The following DOCK9 variants were observed in gnomAD, a reference collection of about 807,000 sequenced individuals.
DOCK9 encodes dedicator of cytokinesis 9, also known as dedicator of cytokinesis protein 9.
Under a neutral mutation model 263.3 loss-of-function variants are expected in DOCK9, and 89 were observed. That is an observed-to-expected ratio of 0.34 (90% confidence interval 0.28 to 0.40). The LOEUF (loss-of-function observed/expected upper bound fraction) is 0.40. Ranked by LOEUF, DOCK9 falls within the 10% of genes least tolerant of loss-of-function variation. The pLI, the probability that DOCK9 is intolerant of heterozygous loss-of-function variation, is 1.00. For missense variants in DOCK9, 2,140 were observed against 2,603.4 expected, an observed-to-expected ratio of 0.82 and a Z score of 3.87; for synonymous variants, 976 against 973.1, an observed-to-expected ratio of 1.00 and a Z score of -0.06.
chr13:98,986,496 T>C (rs1878481177), intron 1 of DOCK9, among the ~76,000 whole-genome samples: 1 of 152,258 alleles, frequency 6.6e-6, no homozygotes, highest in Non-Finnish European at 1.5e-5. Flanking sequence ...TCTGGCTGAA[T>C]TTAGTTTGCA....
intron 39 of DOCK9, 69 bp downstream of exon 39, chr13:98,837,425 A>G: frequency 1.8e-6 from 2 of 1,098,984 alleles, no homozygotes; most frequent in Non-Finnish European, 2.7e-6. Context: ...GTTTGTGCTC[A>G]CTGAGCTTAC....
At chr13:99,055,311 A>G (rs2040867060) in intron 1 of DOCK9, among the ~76,000 whole-genome samples, 1 of 152,214 alleles carries the variant, frequency 6.6e-6, no homozygotes, top group African/African-American at 2.4e-5. Context: ...GGAACTTTCT[A>G]CAAACTTTCA....
At chr13:99,073,608 T>C (rs555959926) in intron 1 of DOCK9, among the ~76,000 whole-genome samples, 2 of 152,204 alleles carry the variant, frequency 1.3e-5, no homozygotes, top group South Asian at 4.1e-4. Flanking sequence ...GGCTAGGGGG[T>C]TGGCAGCTTT....
In DOCK9 at chr13:98,977,931, A is replaced by G; in HGVS notation, c.-22T>C. The G allele has an allele frequency of 6.4e-7, 1 of 1,564,308 alleles. No homozygotes were observed. Among genetic ancestry groups the G allele is most frequent in the Non-Finnish European group, 8.7e-7 (1 of 1,153,328 alleles). Reference sequence around the variant, plus strand: ...GCATTCTCGGCTGAAAACGCAAGTCAGAAAGTCTGCAACTGGAACAGCTGC... The same window carrying G: ...GCATTCTCGGCTGAAAACGCAAGTCGGAAAGTCTGCAACTGGAACAGCTGC... On this transcript the variant is annotated 5_prime_UTR_variant, in exon 1 of 53. The change abolishes the stop of an existing upstream ORF in the 5' untranslated region. Coordinates refer to ENST00000682017, the MANE Select transcript of DOCK9 (RefSeq NM_001366683.2).
At position 98,978,052 on chromosome 13, in the gene DOCK9, G is replaced by T. The variant is rs1875718513; in HGVS notation, c.-143C>A. 2 of 1,436,598 alleles carry T rather than the reference G, an allele frequency of 1.4e-6. No individual in the cohort carries two copies. The highest frequency in any genetic ancestry group is 2.7e-5 in the Admixed American group (1 of 36,406). 89.0% of individuals were successfully genotyped at this position (1,436,598 alleles called of 1,614,324 possible). On this transcript the variant is annotated 5_prime_UTR_variant, in exon 1 of 53. Coordinates refer to ENST00000682017, the MANE Select transcript of DOCK9 (RefSeq NM_001366683.2). The stretch of plus-strand genomic sequence containing the variant: ...ACAAGTGGTCAGCCCCGCTGGCTGG[G>T]TCTGCAGAGCCTGTGGGGTGGGAAG...
chr13:98,820,708 GA>G, intron 45 of DOCK9: 1 of 417,966 alleles, frequency 2.4e-6, no homozygotes, highest in South Asian at 1.8e-5. Context: ...TAGCTTTAAA[GA>G]AAAATCAGGA....
intron 1 of DOCK9, among the ~76,000 whole-genome samples, chr13:99,040,703 C>T (rs976052789): frequency 2.6e-5 from 4 of 152,148 alleles, no homozygotes; most frequent in African/African-American, 9.7e-5. Flanking sequence ...TCTGTCCCAT[C>T]CTACAGGAGT....
intron 15 of DOCK9, among the ~76,000 whole-genome samples, chr13:98,894,590 T>C (rs2047099731): frequency 1.3e-5 from 2 of 152,106 alleles, no homozygotes; most frequent in Admixed American, 1.3e-4. Flanking sequence ...AGTTGCATGG[T>C]AGTTGAGCGA....
chr13:98,977,630 A>G (rs1320480186), intron 1 of DOCK9, among the ~76,000 whole-genome samples, 154 bp downstream of exon 1: 2 of 152,198 alleles, frequency 1.3e-5, no homozygotes, highest in Non-Finnish European at 2.9e-5. Flanking sequence ...AGGGGAATCG[A>G]AGTCATATTA....
chr13:99,061,600 G>A (rs1024682697), intron 1 of DOCK9, among the ~76,000 whole-genome samples: 4 of 152,132 alleles, frequency 2.6e-5, no homozygotes, highest in African/African-American at 9.7e-5. Flanking sequence ...ACAACAGAAG[G>A]TGTAGTATCA....
intron 1 of DOCK9, among the ~76,000 whole-genome samples, chr13:98,975,329 T>C (rs1393055410): frequency 6.6e-6 from 1 of 150,964 alleles, no homozygotes; most frequent in African/African-American, 2.4e-5. Context: ...ACCACTGCAC[T>C]GCAACCTGGA....
upstream of DOCK9, among the ~76,000 whole-genome samples, chr13:99,087,052 C>G (rs952994389): frequency 1.8e-4 from 27 of 152,216 alleles, no homozygotes; most frequent in Admixed American, 5.9e-4. Context: ...CCACGCCCCC[C>G]CTCTGCGCCC....
chr13:98,817,451 C>CTTTTTT (rs10683281), intron 45 of DOCK9, among the ~76,000 whole-genome samples: 7,432 of 96,196 alleles, frequency 0.077, 913 homozygotes, highest in African/African-American at 0.16. Flanking sequence ...ATACACCCAG[C>CTTTTTT]TTTTTTTTTT....
chr13:98,911,512 GAC>G (rs1212359033), intron 9 of DOCK9, among the ~76,000 whole-genome samples: 1 of 152,088 alleles, frequency 6.6e-6, no homozygotes, highest in Non-Finnish European at 1.5e-5. Flanking sequence ...CACTATGCAA[GAC>G]ACACATACAC....
chr13:98,896,936 T>C (rs1397325926), intron 15 of DOCK9, among the ~76,000 whole-genome samples: 1 of 152,178 alleles, frequency 6.6e-6, no homozygotes, highest in African/African-American at 2.4e-5. Flanking sequence ...TGATGCTTTA[T>C]CACTAGTGTT....
intron 1 of DOCK9, among the ~76,000 whole-genome samples, chr13:99,056,513 T>A (rs2040931133): frequency 6.6e-6 from 1 of 152,190 alleles, no homozygotes; most frequent in Admixed American, 6.5e-5. Context: ...ATGATTCAAC[T>A]AGGTGTGGCC....
Position 99,015,756 on chromosome 13 carries a change from G to A in DOCK9, c.130-60205C>T, listed in dbSNP as rs915029586. On this transcript the variant is annotated intron_variant, in intron 1 of 32. Transcript: ENST00000427887. The stretch of plus-strand genomic sequence containing the variant: ...AACAGAAGGGAAGCTCTGAGCTGCC[G>A]TACTAGAATCCGCTCCTGCTCAACA... 8.3e-6 allele frequency: 11 copies of A among 1,324,588 alleles called. No individual in the cohort carries two copies. In the Admixed American group the frequency reaches 1.1e-4, roughly 13 times the overall value. The allele number at this position is 1,324,588 out of a possible 1,614,324, so 82.1% of individuals were successfully genotyped here.
chr13:98,897,731 T>C, intron 14 of DOCK9, 121 bp from the exon 15 acceptor site: 2 of 1,345,456 alleles, frequency 1.5e-6, no homozygotes, highest in Non-Finnish European at 2.0e-6. Flanking sequence ...CCAACAGAAA[T>C]CTCATTATCT....
chr13:98,983,616 TA>T (rs1241507811), intron 1 of DOCK9, among the ~76,000 whole-genome samples: 7 of 135,748 alleles, frequency 5.2e-5, no homozygotes, highest in South Asian at 2.7e-4. Flanking sequence ...CAATTATTAT[TA>T]TTATTATTTT....
Sources: allele counts gnomAD v4.1 joint callset (sites outside exome capture counted in the v4.1 genomes callset), GRCh38; gene constraint gnomAD v4.1.1; transcripts MANE v1.5; gene names NCBI Gene and HGNC (gene_info 2026-07-23, HGNC 2026-07-21).